PTPRD: variants seen among roughly 807,000 people sequenced by gnomAD.
The protein encoded by PTPRD is protein tyrosine phosphatase receptor type D, also known as receptor-type tyrosine-protein phosphatase delta.
In PTPRD, 34 loss-of-function variants were observed where a neutral mutation model predicts 214.5. The observed-to-expected ratio is 0.16, with a 90% CI of 0.12 to 0.21. The LOEUF (loss-of-function observed/expected upper bound fraction) is 0.21, where lower values mean the gene tolerates loss of function less well. Among genes scored for constraint, PTPRD ranks in the 10% least tolerant of loss-of-function variants. PTPRD has a pLI of 1.00. For missense variants in PTPRD, 2,545 were observed against 2,398.7 expected (o/e 1.06, Z -1.27); for synonymous variants, 1,128 against 845.7 (o/e 1.33, Z -5.79).
chr9:10,010,169 T>A (rs2096566586), intron 4 of PTPRD, among the ~76,000 whole-genome samples: 1 of 151,898 alleles, frequency 6.6e-6, no homozygotes, highest in Non-Finnish European at 1.5e-5. Context: ...AACTCACTTG[T>A]CCATGTTCAC....
chr9:9,328,006 C>A (rs140634870), intron 9 of PTPRD, among the ~76,000 whole-genome samples: 1 of 151,876 alleles, frequency 6.6e-6, no homozygotes, highest in African/African-American at 2.4e-5. Flanking sequence ...ATACAGCCCA[C>A]GGGCCATGGA....
intron 5 of PTPRD, among the ~76,000 whole-genome samples, chr9:9,774,301 G>C (rs2098778630): frequency 6.6e-6 from 1 of 152,106 alleles, no homozygotes; most frequent in African/African-American, 2.4e-5. Context: ...AATTTTGGGG[G>C]CTAAGAGAAT....
chr9:8,998,237 G>A (rs2099404518), intron 11 of PTPRD, among the ~76,000 whole-genome samples: 1 of 152,104 alleles, frequency 6.6e-6, no homozygotes, highest in African/African-American at 2.4e-5. Context: ...CAAAGCTAGA[G>A]AGAAGTCAAT....
intron 36 of PTPRD, among the ~76,000 whole-genome samples, chr9:8,394,087 G>A (rs1483952589): frequency 6.6e-6 from 1 of 151,862 alleles, no homozygotes; most frequent in Non-Finnish European, 1.5e-5. Context: ...TTTATTTGCT[G>A]TTGATTGCTA....
intron 9 of PTPRD, among the ~76,000 whole-genome samples, chr9:9,241,086 G>A (rs181410404): frequency 7.7e-4 from 117 of 152,172 alleles, no homozygotes; most frequent in African/African-American, 2.2e-3. Flanking sequence ...CGTGCTCATC[G>A]AGATCAAACA....
At chr9:9,867,420 T>C (rs2064253602) in intron 5 of PTPRD, among the ~76,000 whole-genome samples, 1 of 152,256 alleles carries the variant, frequency 6.6e-6, no homozygotes, top group South Asian at 2.1e-4. Context: ...ATGATACCTA[T>C]CTTCCAAACA....
chr9:8,369,472 G>A (rs2080889309), intron 39 of PTPRD, among the ~76,000 whole-genome samples: 1 of 151,102 alleles, frequency 6.6e-6, no homozygotes, highest in Non-Finnish European at 1.5e-5. Flanking sequence ...TTTTTTACTG[G>A]GCCATTTTAG....
rs117020975 is a variant in PTPRD at position 8,613,838 on chromosome 9, A to G, written c.352+19479T>C. Among the ~76,000 whole-genome samples, 647 of 152,246 alleles carry G rather than the reference A, an allele frequency of 4.2e-3. 5 individuals carry two copies. Among genetic ancestry groups the G allele is most frequent in the East Asian group, 0.02 (104 of 5,160 alleles). ...CACCCTGAGGGACCAGGAGAATTAC[A>G]TTTTCACATTCTCAGCCCAACTGTC... On this transcript the variant is annotated intron_variant, in intron 14 of 45. Transcript: ENST00000381196.
At chr9:9,845,751 G>A (rs2059409147) in intron 5 of PTPRD, among the ~76,000 whole-genome samples, 1 of 152,026 alleles carries the variant, frequency 6.6e-6, no homozygotes, top group Non-Finnish European at 1.5e-5. Flanking sequence ...AATCTAAAAT[G>A]CTAAGCACAG....
intron 9 of PTPRD, among the ~76,000 whole-genome samples, chr9:9,235,454 T>C (rs2099965998): frequency 6.6e-6 from 1 of 152,188 alleles, no homozygotes; most frequent in African/African-American, 2.4e-5. Flanking sequence ...AATGTAAGCA[T>C]AAAGTGGACA....
At chr9:10,321,924 G>C (rs1057484452) in intron 3 of PTPRD, among the ~76,000 whole-genome samples, 1 of 151,908 alleles carries the variant, frequency 6.6e-6, no homozygotes, top group Admixed American at 6.6e-5. Context: ...TGTCAAAAAA[G>C]CCAGGAAGGA....
At chr9:9,429,152 C>T (rs900854018) in intron 8 of PTPRD, among the ~76,000 whole-genome samples, 2 of 151,948 alleles carry the variant, frequency 1.3e-5, no homozygotes, top group Non-Finnish European at 2.9e-5. Flanking sequence ...TGATAGGCAG[C>T]TAGCAGACTA....
At chr9:9,481,270 T>G (rs1239009784) in intron 8 of PTPRD, among the ~76,000 whole-genome samples, 1 of 152,192 alleles carries the variant, frequency 6.6e-6, no homozygotes, top group African/African-American at 2.4e-5. Flanking sequence ...GGTATCAAAG[T>G]CCAACAGAGG....
intron 11 of PTPRD, among the ~76,000 whole-genome samples, chr9:8,782,841 T>G (rs747537620): frequency 2.0e-5 from 3 of 151,996 alleles, no homozygotes; most frequent in Non-Finnish European, 4.4e-5. Context: ...TGATCTGCCC[T>G]CCTTGGCCCC....
At chr9:8,507,920 A>C (rs2097574917) in intron 21 of PTPRD, among the ~76,000 whole-genome samples, 1 of 152,266 alleles carries the variant, frequency 6.6e-6, no homozygotes, top group South Asian at 2.1e-4. Flanking sequence ...CAATAACAAA[A>C]CCTAACAGGC....
intron 2 of PTPRD, among the ~76,000 whole-genome samples, chr9:10,364,352 T>C (rs750478931): frequency 6.6e-6 from 1 of 152,062 alleles, no homozygotes; most frequent in African/African-American, 2.4e-5. Flanking sequence ...AAGTTAAATA[T>C]GTCACCCAAG....
intron 10 of PTPRD, among the ~76,000 whole-genome samples, chr9:9,175,633 A>ACAAAC (rs777674937): frequency 0.029 from 4,435 of 150,726 alleles, 271 homozygotes; most frequent in African/African-American, 0.084. Flanking sequence ...AAAAAAAAAA[A>ACAAAC]AAAAAAAAAA....
intron 9 of PTPRD, among the ~76,000 whole-genome samples, chr9:9,392,283 T>C (rs984617672): frequency 1.6e-4 from 24 of 152,160 alleles, no homozygotes; most frequent in Non-Finnish European, 2.2e-4. Context: ...GACAGGCCCA[T>C]TGGGTCATAA....
intron 3 of PTPRD, among the ~76,000 whole-genome samples, chr9:10,328,916 C>A (rs563312828): frequency 1.2e-3 from 186 of 151,786 alleles, no homozygotes; most frequent in African/African-American, 4.3e-3. Context: ...GTTAACATGG[C>A]CTGAGATTGT....
Sources: gnomAD v4.1 joint callset for allele counts (sites outside exome capture counted in the v4.1 genomes callset) on GRCh38, gnomAD v4.1.1 for gene constraint, MANE v1.5 for transcripts, NCBI Gene and HGNC (gene_info 2026-07-23, HGNC 2026-07-21) for gene names.